Variants in XIST observed in about 807,000 individuals in gnomAD.
XIST encodes the protein X inactive specific transcript (non-protein coding).
intron 1 of XIST, chrX:73,841,271 G>T: frequency 2.5e-6 from 1 of 405,424 alleles, no homozygotes; most frequent in Non-Finnish European, 4.3e-6. Flanking sequence ...AGATGAGGTG[G>T]GAAGAAGGAA....
chrX:73,847,019 G>A, exon 1 of XIST: 2 of 558,972 alleles, frequency 3.6e-6, no homozygotes, highest in Non-Finnish European at 6.5e-6. Context: ...CCTGATAAAA[G>A]GCACAACTGT....
chrX:73,829,790 C>CAAAAAAAA (rs752287639), intron 4 of XIST, among the ~76,000 whole-genome samples: 2 of 24,247 alleles, frequency 8.2e-5, no homozygotes, highest in Non-Finnish European at 1.7e-4. Context: ...AACTCCATCT[C>CAAAAAAAA]AAAAAAAAAA....
At chrX:73,844,489 T>C (rs767737273) in exon 1 of XIST, 57 of 555,898 alleles carry the variant, frequency 1.0e-4, no homozygotes, top group Non-Finnish European at 1.7e-4. Context: ...AGAGTAGGAC[T>C]TTATTCAAAT....
exon 6 of XIST, chrX:73,827,034 A>G: frequency 1.3e-5 from 7 of 556,649 alleles, no homozygotes; most frequent in Non-Finnish European, 2.3e-5. Flanking sequence ...ATCTTGGAAC[A>G]TGGGCTTTCC....
At chrX:73,839,555 A>C (rs189128868) in intron 1 of XIST, among the ~76,000 whole-genome samples, 2 of 111,251 alleles carry the variant, frequency 1.8e-5, no homozygotes, top group African/African-American at 6.5e-5. Context: ...TCTGCCCAAA[A>C]CCATAATGAT....
exon 1 of XIST, chrX:73,851,290 G>A (rs908602800): frequency 1.8e-5 from 10 of 557,691 alleles, no homozygotes; most frequent in Non-Finnish European, 3.2e-5. Flanking sequence ...CTGCCATATT[G>A]TCCCTGCGGC....
At chrX:73,843,800 G>A in exon 1 of XIST, 1 of 558,720 alleles carries the variant, frequency 1.8e-6, no homozygotes, top group Non-Finnish European at 3.2e-6. Flanking sequence ...CAGATCAGGA[G>A]CAAATGTAAT....
chrX:73,825,685 A>G (rs1922234070), exon 6 of XIST: 1 of 512,644 alleles, frequency 2.0e-6, no homozygotes. Context: ...TATGGCCCAC[A>G]GTCTAAAGTA....
rs766292345 is a variant in XIST at position 73,820,823 on chromosome X, A to T, written n.19078T>A. On this transcript the variant is annotated non_coding_transcript_exon_variant, in exon 6 of 6. Transcript: ENST00000429829. ...CAAAAGAGATTCTGCATTTCACATC[A>T]GTTCACAAGTTCAAGAGTCTTCCAT... 4 of 558,199 alleles carry T rather than the reference A, an allele frequency of 7.2e-6. No homozygotes were observed. In the South Asian group the frequency reaches 8.9e-5, roughly 12 times the overall value. 46.0% of individuals were successfully genotyped at this position (558,199 alleles called of 1,213,427 possible).
In XIST at chrX:73,849,610, A is replaced by G. The variant is rs141439927; in HGVS notation, n.3114T>C. The G allele has an allele frequency of 9.6e-4, 534 of 556,191 alleles. No individual in the cohort carries two copies. The African/African-American group carries it at 0.01, about 11-fold the overall frequency. The allele number at this position is 556,191 out of a possible 1,213,427, so 45.8% of individuals were successfully genotyped here. A position where few individuals can be genotyped will look rare whatever the true frequency, so the allele number is the denominator to read the frequency against. On this transcript the variant is annotated non_coding_transcript_exon_variant, in exon 1 of 6. Transcript: ENST00000429829. ...AATTGACATTCCCTAACTTCAACGT[A>G]CCGAGTAAGGAAATTCTTTGTCCTG...
chrX:73,850,422 CTT>C (rs761547143), exon 1 of XIST: 43 of 539,332 alleles, frequency 8.0e-5, no homozygotes, highest in Non-Finnish European at 1.3e-4. Flanking sequence ...TCACTTAAGA[CTT>C]AAATTCAAAC....
exon 6 of XIST, chrX:73,823,629 A>C (rs778912689): frequency 1.8e-6 from 1 of 558,831 alleles, no homozygotes; most frequent in South Asian, 2.2e-5. Flanking sequence ...TTTTATCATC[A>C]GCACTTAAGA....
At chrX:73,829,790 CAA>C (rs752287639) in intron 4 of XIST, among the ~76,000 whole-genome samples, 4 of 24,235 alleles carry the variant, frequency 1.7e-4, no homozygotes, top group Non-Finnish European at 1.7e-4. Flanking sequence ...AACTCCATCT[CAA>C]AAAAAAAAAA....
At chrX:73,823,590 T>C in exon 6 of XIST, 1 of 558,638 alleles carries the variant, frequency 1.8e-6, no homozygotes, top group Middle Eastern at 3.1e-4. Flanking sequence ...TTTACTTCTG[T>C]AGGCCAGGTC....
intron 2 of XIST, among the ~76,000 whole-genome samples, chrX:73,834,711 C>T (rs1922447342): frequency 1.8e-5 from 2 of 111,179 alleles, no homozygotes; most frequent in South Asian, 7.6e-4. Context: ...ATAGGCCAGG[C>T]GCAGTGGCTC....
exon 1 of XIST, chrX:73,846,802 G>A (rs897916783): frequency 3.6e-6 from 2 of 559,240 alleles, no homozygotes; most frequent in East Asian, 3.2e-5. Context: ...GAAGGATACT[G>A]ATGTAATTGT....
chrX:73,825,825 A>C (rs1430665794), exon 6 of XIST: 3 of 546,525 alleles, frequency 5.5e-6, no homozygotes, highest in Non-Finnish European at 9.9e-6. Context: ...CTTATGTTTT[A>C]CAGTGCTTTC....
exon 6 of XIST, chrX:73,820,665 C>T: frequency 1.9e-6 from 1 of 522,675 alleles, no homozygotes; most frequent in Non-Finnish European, 3.4e-6. Context: ...GTTTTCAAAA[C>T]AGTATATTTT....
chrX:73,844,857 T>C (rs1922694886), exon 1 of XIST: 1 of 556,908 alleles, frequency 1.8e-6, no homozygotes, highest in Non-Finnish European at 3.2e-6. Context: ...TCACTTAGAA[T>C]TGTGCACCTT....
Sources: gnomAD v4.1 joint callset for allele counts (sites outside exome capture counted in the v4.1 genomes callset) on GRCh38, gnomAD v4.1.1 for gene constraint, MANE v1.5 for transcripts, NCBI Gene and HGNC (gene_info 2026-07-23, HGNC 2026-07-21) for gene names.